Variants in BHLHE40 observed in about 807,000 individuals in gnomAD.
The protein encoded by BHLHE40 is class E basic helix-loop-helix protein 40.
In BHLHE40, 3 loss-of-function variants were observed where a neutral mutation model predicts 35.7. The ratio of observed to expected loss-of-function variants is 0.08; its 90% CI spans 0.04 to 0.22. The LOEUF (loss-of-function observed/expected upper bound fraction) is 0.22. Ranked by LOEUF, BHLHE40 falls within the 10% of genes least tolerant of loss-of-function variation. The pLI is 1.00. For synonymous variants in BHLHE40, 236 were observed against 213.0 expected (o/e 1.11, Z -0.94); for missense variants, 486 against 524.0 (o/e 0.93, Z 0.71).
Position 4,982,825 on chromosome 3 carries a change from T to G in BHLHE40, c.383-11T>G. 2 of 1,613,848 alleles carry G rather than the reference T, an allele frequency of 1.2e-6. No individual in the cohort carries two copies. Among genetic ancestry groups the G allele is most frequent in the Non-Finnish European group, 1.7e-6 (2 of 1,179,916 alleles). On this transcript the variant is annotated splice_polypyrimidine_tract_variant and intron_variant, in intron 4 of 4. Transcript: ENST00000256495. ...TCTGAAACGTTTTCCTTCGGATTTTTCTTTCCCCAGGTGAGCTGTCAGGGA... is the reference window on the plus strand; with the variant it reads ...TCTGAAACGTTTTCCTTCGGATTTTGCTTTCCCCAGGTGAGCTGTCAGGGA...
intron 4 of BHLHE40, 88 bp downstream of exon 4, chr3:4,981,603 A>G: frequency 6.7e-7 from 1 of 1,492,638 alleles, no homozygotes; most frequent in Non-Finnish European, 9.0e-7. Flanking sequence ...AATAAACATT[A>G]CTGCAACAAA....
At chr3:4,980,214 C>A in intron 2 of BHLHE40, 87 bp from the exon 3 acceptor site, 1 of 1,279,768 alleles carries the variant, frequency 7.8e-7, no homozygotes. Context: ...TACTCTGCTC[C>A]TCTGCCGGAC....
chr3:4,979,952 C>T lies in BHLHE40; in HGVS notation c.81-10C>T, dbSNP rs2053176479. 6.2e-7 allele frequency: 1 copy of T among 1,614,114 alleles called. No individual in the cohort carries two copies. Among genetic ancestry groups the T allele is most frequent in the Non-Finnish European group, 8.5e-7 (1 of 1,179,980 alleles). ...GCAGTCACGACCCTTCCTGGTCTCT[C>T]TTCCTGCAGGATGTACCCTGCCCAC... On this transcript the variant is annotated splice_polypyrimidine_tract_variant and intron_variant, in intron 1 of 4. Coordinates refer to ENST00000256495, the MANE Select transcript of BHLHE40 (RefSeq NM_003670.3).
chr3:4,979,910 C>G, intron 1 of BHLHE40, 52 bp from the exon 2 acceptor site: 3 of 1,610,286 alleles, frequency 1.9e-6, no homozygotes, highest in Non-Finnish European at 2.5e-6. Flanking sequence ...CGGCAGAACG[C>G]CTGCAGCCGT....
At position 4,983,421 on chromosome 3, in the gene BHLHE40, T is replaced by C. The variant is rs749142440; in HGVS notation, c.968T>C (p.Leu323Pro). The C allele has an allele frequency of 1.9e-5, 31 of 1,614,060 alleles. No individual in the cohort carries two copies. The change falls in exon 5 of 5, where the codon CTG (leucine) becomes CCG (proline). Residue 323 changes from leucine to proline, a missense_variant. Leu to Pro is a moderately conservative substitution (Grantham distance 98). This residue lies in a region of BHLHE40 where 206 missense variants were observed against 208.9 expected (regional missense o/e 0.99). Transcript: ENST00000256495. This position sits in a 1 kb window ranked among gnomAD's most constrained non-coding sequence, Gnocchi z 5.0. ...GPHPHQPPFC[L>P]PFYLIPPSAT... ...CACCCACACCAGCCTCCTTTCTGCCTGCCCTTCTACCTGATCCCACCTTCA... is the reference window on the plus strand; with the variant it reads ...CACCCACACCAGCCTCCTTTCTGCCCGCCCTTCTACCTGATCCCACCTTCA...
intron 2 of BHLHE40, 93 bp downstream of exon 2, chr3:4,980,124 G>C: frequency 7.2e-7 from 1 of 1,388,906 alleles, no homozygotes; most frequent in Non-Finnish European, 1.0e-6. Flanking sequence ...TTGGCGAGGG[G>C]ATGCAGGGTG....
At position 4,979,678 on chromosome 3, in the gene BHLHE40, A is replaced by G; in HGVS notation, c.-41A>G. The G allele has an allele frequency of 6.5e-7, 1 of 1,546,876 alleles. No homozygotes were observed. The highest frequency in any genetic ancestry group is 1.2e-5 in the South Asian group (1 of 83,888). ...GCAGTCCTCATCCAGACGCTCCGCT[A>G]GTGCAGACAGGAGCGCGCAGTGGCC... On this transcript the variant is annotated 5_prime_UTR_variant, in exon 1 of 5. Transcript: ENST00000256495.
At position 4,983,448 on chromosome 3, in the gene BHLHE40, C is replaced by A. The variant is rs2053219298; in HGVS notation, c.995C>A (p.Ala332Glu). 6.2e-7 allele frequency: 1 copy of A among 1,614,182 alleles called. No individual in the cohort carries two copies. The highest frequency in any genetic ancestry group is 1.1e-5 in the South Asian group (1 of 91,086). ...CLPFYLIPPS[A>E]TAYLPMLEKC... The stretch of plus-strand genomic sequence containing the variant: ...CCCTTCTACCTGATCCCACCTTCAG[C>A]GACTGCCTACCTGCCCATGCTGGAG... Residue 332 changes from alanine (A) to glutamate (E), a missense_variant, in exon 5 of 5, where the codon GCG (alanine) becomes GAG (glutamate). Coordinates refer to ENST00000256495, the MANE Select transcript of BHLHE40 (RefSeq NM_003670.3). This position sits in a 1 kb window ranked among gnomAD's most constrained non-coding sequence, Gnocchi z 5.0.
At chr3:4,981,161 T>TTA (rs1216564775) in intron 3 of BHLHE40, among the ~76,000 whole-genome samples, 119 of 136,184 alleles carry the variant, frequency 8.7e-4, no homozygotes, top group African/African-American at 2.0e-3. Context: ...AATTATTTAA[T>TTA]TATATATATA....
chr3:4,982,383 T>C (rs2053205392), intron 4 of BHLHE40, among the ~76,000 whole-genome samples: 1 of 152,270 alleles, frequency 6.6e-6, no homozygotes, highest in Non-Finnish European at 1.5e-5. Context: ...TAGGTGATTG[T>C]TGTTTCTTCA....
At position 4,983,742 on chromosome 3, in the gene BHLHE40, A is replaced by G. The variant is rs748249405; in HGVS notation, c.*50A>G. 2 of 1,525,948 alleles carry G rather than the reference A, an allele frequency of 1.3e-6. No individual in the cohort carries two copies. Among genetic ancestry groups the G allele is most frequent in the Non-Finnish European group, 1.7e-6 (2 of 1,143,938 alleles). 94.5% of individuals were successfully genotyped at this position (1,525,948 alleles called of 1,614,324 possible). A position where few individuals can be genotyped will look rare whatever the true frequency, so the allele number is the denominator to read the frequency against. ...TGCTTTCCTTCCTCGCTACTTCCTA[A>G]AAAGCAACAAAAAAGTTTTTGTGAA... On this transcript the variant is annotated 3_prime_UTR_variant, in exon 5 of 5. Transcript: ENST00000256495. This position sits in a 1 kb window ranked among gnomAD's most constrained non-coding sequence, Gnocchi z 5.0.
At position 4,979,472 on chromosome 3, in the gene BHLHE40, A is replaced by G; in HGVS notation, c.-247A>G. On this transcript the variant is annotated 5_prime_UTR_variant, in exon 1 of 5. Coordinates refer to ENST00000256495, the MANE Select transcript of BHLHE40 (RefSeq NM_003670.3). ...CTCGCACGGCGCAGACAGACCGCGCAGGGAGCACACACCGCCAGTCTGTGC... is the reference window on the plus strand; with the variant it reads ...CTCGCACGGCGCAGACAGACCGCGCGGGGAGCACACACCGCCAGTCTGTGC... 1 of 360,954 alleles carries G rather than the reference A, an allele frequency of 2.8e-6. No homozygotes were observed. 22.4% of individuals were successfully genotyped at this position (360,954 alleles called of 1,614,324 possible).
chr3:4,982,781 C>T (rs1361809805), intron 4 of BHLHE40, 55 bp from the exon 5 acceptor site: 1 of 1,600,842 alleles, frequency 6.2e-7, no homozygotes, highest in African/African-American at 1.4e-5. Flanking sequence ...AGTATAGTTT[C>T]CAGGTGCGCC....
At chr3:4,982,042 C>T (rs1411335871) in intron 4 of BHLHE40, among the ~76,000 whole-genome samples, 1 of 152,218 alleles carries the variant, frequency 6.6e-6, no homozygotes, top group East Asian at 1.9e-4. Context: ...GAAGTTTCAT[C>T]ATTCGTTTCT....
rs2053220608 is a variant in BHLHE40, at chr3:4,983,565, T to G, written c.1112T>G (p.Ile371Ser). Residue 371 changes from isoleucine to serine, a missense_variant, in exon 5 of 5, where the codon ATC (isoleucine) becomes AGC (serine). Transcript: ENST00000256495. This position sits in a 1 kb window ranked among gnomAD's most constrained non-coding sequence, Gnocchi z 5.0. ...ALSSFMNPDKISAPLLMPQRL... is the reference protein window; with the variant it reads ...ALSSFMNPDKSSAPLLMPQRL... ...TCTAGCTTCATGAACCCAGACAAGA[T>G]CTCGGCTCCCTTGCTCATGCCCCAG... is the stretch of plus-strand genomic sequence containing the variant. The G allele has an allele frequency of 6.2e-7, 1 of 1,614,108 alleles. No homozygotes were observed. Among genetic ancestry groups the G allele is most frequent in the East Asian group, 2.2e-5 (1 of 44,882 alleles).
rs977785957 is a variant in BHLHE40 at position 4,985,091 on chromosome 3, G to A, written c.*1399G>A. 1 of 152,460 alleles carries A rather than the reference G, an allele frequency of 6.6e-6. No homozygotes were observed. 9.4% of individuals were successfully genotyped at this position (152,460 alleles called of 1,614,324 possible). A position where few individuals can be genotyped will look rare whatever the true frequency, so the allele number is the denominator to read the frequency against. On this transcript the variant is annotated 3_prime_UTR_variant, in exon 5 of 5. Transcript: ENST00000256495. ...TATATTTTGGAGCCTTCCTGAAGGT[G>A]TAAAATTGTAAATATTTTTATCTAT... is the stretch of plus-strand genomic sequence containing the variant.
In BHLHE40 at chr3:4,983,658, C is replaced by A. The variant is rs1232264374; in HGVS notation, c.1205C>A (p.Pro402Gln). ...TCTGTCTTGCTCCAAGCTCTGAAGC[C>A]AATCCCCCCTTTAAACTTAGAAACC... ...DSSVLLQALK[P>Q]IPPLNLETKD The change falls in exon 5 of 5, where the codon CCA becomes CAA. Residue 402 changes from proline (P) to glutamine (Q), a missense_variant. By Grantham distance (76) the Pro-to-Gln change is moderately conservative. Around this residue, in one of 5 missense-constraint regions of BHLHE40, gnomAD observed 206 missense variants for 208.9 expected, o/e 0.99. Transcript: ENST00000256495. The surrounding 1 kb of genome is among the most constrained non-coding windows in gnomAD (Gnocchi z 5.0). 1.2e-6 allele frequency: 2 copies of A among 1,612,816 alleles called. No individual in the cohort carries two copies. The highest frequency in any genetic ancestry group is 2.2e-5 in the East Asian group (1 of 44,842).
rs565966735 is a variant in BHLHE40, at chr3:4,981,762, G to A, written c.382+247G>A. On this transcript the variant is annotated intron_variant, in intron 4 of 4. Transcript: ENST00000256495. ...GTGGCATTTTAGCTTGAGAGTCTCT[G>A]GGTTCTGGGAGATTTCCCTACTCCC... Among the ~76,000 whole-genome samples, 7 of 152,340 alleles carry A rather than the reference G, an allele frequency of 4.6e-5. No individual in the cohort carries two copies. In the East Asian group the frequency reaches 1.3e-3, roughly 29 times the overall value.
chr3:4,981,398 G>A lies in BHLHE40; in HGVS notation c.265G>A (p.Gly89Ser). The change falls in exon 4 of 5, where the codon GGT (glycine) becomes AGT (serine). Residue 89 changes from glycine to serine, a missense_variant. Gly to Ser is a moderately conservative substitution (Grantham distance 56). Transcript: ENST00000256495. ...LPEHLKLTTL[G>S]HLEKAVVLEL... Reference sequence around the variant, plus strand: ...AAGGCTCTTTTCCTTCCAGACTTTGGGTCACTTGGAAAAAGCAGTGGTTCT... The same window carrying A: ...AAGGCTCTTTTCCTTCCAGACTTTGAGTCACTTGGAAAAAGCAGTGGTTCT... 6.2e-7 allele frequency: 1 copy of A among 1,613,442 alleles called. No individual in the cohort carries two copies. Among genetic ancestry groups the A allele is most frequent in the Non-Finnish European group, 8.5e-7 (1 of 1,179,802 alleles).
Sources: gnomAD v4.1 joint callset for allele counts (sites outside exome capture counted in the v4.1 genomes callset) on GRCh38, gnomAD v4.1.1 for gene constraint, gnomAD v4.1.1 regional missense constraint, Gnocchi (gnomAD v3.1) non-coding constraint, MANE v1.5 for transcripts, NCBI Gene and HGNC (gene_info 2026-07-23, HGNC 2026-07-21) for gene names.